The following CNGB3 variants were observed in gnomAD, a reference collection of about 807,000 sequenced individuals.
The protein encoded by CNGB3 is cyclic nucleotide-gated channel beta-3.
CNGB3 carries 86 observed loss-of-function variants against 92.8 expected under a neutral mutation model. That is an observed-to-expected ratio of 0.93 (90% CI 0.78 to 1.11). The LOEUF is 1.11. CNGB3 is among the 50% of genes least tolerant of loss of function. CNGB3 has a pLI of 0.00. For missense variants in CNGB3, 1,026 were observed against 956.8 expected (o/e 1.07, Z -0.95); for synonymous variants, 333 against 332.7 (o/e 1.00, Z -0.01).
In CNGB3 at chr8:86,713,951, C is replaced by T. The variant is rs182372642; in HGVS notation, c.338+12580G>A. Among the ~76,000 whole-genome samples the T allele has an allele frequency of 7.6e-3, 1,154 of 152,192 alleles. 4 individuals are homozygous for T. The highest frequency in any genetic ancestry group is 0.012 in the Non-Finnish European group (823 of 68,018). On this transcript the variant is annotated intron_variant, in intron 3 of 17. Coordinates refer to ENST00000320005, the MANE Select transcript of CNGB3 (RefSeq NM_019098.5). Reference sequence around the variant, plus strand: ...ACCTTTGATCCCACCCTTGCATAACCTTCCCCATTATCAACATCCCCCAAG... The same window carrying T: ...ACCTTTGATCCCACCCTTGCATAACTTTCCCCATTATCAACATCCCCCAAG...
chr8:86,703,777 T>C (rs1332040845), intron 3 of CNGB3, among the ~76,000 whole-genome samples: 1 of 152,204 alleles, frequency 6.6e-6, no homozygotes, highest in Admixed American at 6.5e-5. Context: ...GGTGAATGTA[T>C]TCATTCAGTG....
At chr8:86,667,203 T>A (rs780162014) in intron 5 of CNGB3, 70 bp from the exon 6 acceptor site, 4 of 1,332,566 alleles carry the variant, frequency 3.0e-6, no homozygotes, top group Non-Finnish European at 4.3e-6. Context: ...GTTGCTTAGT[T>A]TGGGGAGGTT....
chr8:86,739,743 G>T lies in CNGB3; in HGVS notation c.130-7C>A. 1 of 1,610,578 alleles carries T rather than the reference G, an allele frequency of 6.2e-7. No individual in the cohort carries two copies. ...CTTCACCTTTGTTTTCTTCCTTTGAGAAAAAACATAGAGATTGTATGTGAT... is the reference window on the plus strand; with the variant it reads ...CTTCACCTTTGTTTTCTTCCTTTGATAAAAAACATAGAGATTGTATGTGAT... On this transcript the variant is annotated splice_region_variant and splice_polypyrimidine_tract_variant and intron_variant, in intron 1 of 17. Coordinates refer to ENST00000320005, the MANE Select transcript of CNGB3 (RefSeq NM_019098.5).
At chr8:86,599,446 G>C (rs527505756) in intron 15 of CNGB3, among the ~76,000 whole-genome samples, 46 of 152,300 alleles carry the variant, frequency 3.0e-4, no homozygotes, top group African/African-American at 8.4e-4. Flanking sequence ...AATGTTCAGG[G>C]AACAAGAGAG....
In CNGB3 at chr8:86,605,757, A is replaced by T. The variant is rs185567295; in HGVS notation, c.1663-1546T>A. On this transcript the variant is annotated intron_variant, in intron 14 of 17. Coordinates refer to ENST00000320005, the MANE Select transcript of CNGB3 (RefSeq NM_019098.5). ...AAACACTCATTTATGAATGAGGAAA[A>T]TATAACTTAACTATTCTCTGGGAGA... 7.4e-4 allele frequency among the ~76,000 whole-genome samples: 113 copies of T among 152,284 alleles called. 1 individual carries two copies. The highest frequency in any genetic ancestry group is 2.6e-3 in the African/African-American group (109 of 41,546).
intron 10 of CNGB3, among the ~76,000 whole-genome samples, chr8:86,638,596 T>A (rs538237342): frequency 6.6e-6 from 1 of 152,264 alleles, no homozygotes; most frequent in East Asian, 1.9e-4. Context: ...CTTATTAGAA[T>A]GTAAGTGCTA....
At position 86,632,864 on chromosome 8, in the gene CNGB3, C is replaced by T. The variant is rs147876778; in HGVS notation, c.1208G>A (p.Arg403Gln). The T allele has an allele frequency of 3.1e-3, 5,041 of 1,612,558 alleles. 73 individuals are homozygous for T. The highest frequency in any genetic ancestry group is 0.028 in the South Asian group (2,574 of 90,988). Residue 403 changes from arginine to glutamine, a missense_variant, in exon 11 of 18, where the codon CGA becomes CAA. Physicochemically the swap from Arg to Gln is conservative, Grantham distance 43. Coordinates refer to ENST00000320005, the MANE Select transcript of CNGB3 (RefSeq NM_019098.5). ...AAGGCCACCAATGGTAATTAAAGTT[C>T]GAACTGCCCAATAATAACATCTCAG... The part of the protein sequence containing the change: ...EYLRCYYWAV[R>Q]TLITIGGLPE...
rs188672600 is a variant in CNGB3 at position 86,654,146 on chromosome 8, T to C, written c.853-84A>G. On this transcript the variant is annotated intron_variant, in intron 6 of 17. Coordinates refer to ENST00000320005, the MANE Select transcript of CNGB3 (RefSeq NM_019098.5). The stretch of plus-strand genomic sequence containing the variant: ...ACTTTTAAATTTATAACTGTTTCTC[T>C]TGGTTGGTTCCTTCCAATCTCAGCC... 2.3e-4 allele frequency: 214 copies of C among 923,792 alleles called. No individual in the cohort carries two copies. In the African/African-American group the frequency reaches 2.9e-3, roughly 13 times the overall value. The allele number at this position is 923,792 out of a possible 1,614,324, so 57.2% of individuals were successfully genotyped here. A position where few individuals can be genotyped will look rare whatever the true frequency, so the allele number is the denominator to read the frequency against.
At chr8:86,738,034 T>A (rs1447663416) in intron 2 of CNGB3, among the ~76,000 whole-genome samples, 1 of 152,246 alleles carries the variant, frequency 6.6e-6, no homozygotes, top group Non-Finnish European at 1.5e-5. Context: ...CAATTGTGCC[T>A]CAGTTCAAAT....
chr8:86,576,525 A>T (rs1458132718), intron 17 of CNGB3, among the ~76,000 whole-genome samples: 1 of 152,198 alleles, frequency 6.6e-6, no homozygotes, highest in Non-Finnish European at 1.5e-5. Context: ...AATACTATAT[A>T]AAAATACTGT....
chr8:86,647,888 C>T lies in CNGB3; in HGVS notation c.904-1G>A. 1 of 1,569,708 alleles carries T rather than the reference C, an allele frequency of 6.4e-7. No homozygotes were observed. The highest frequency in any genetic ancestry group is 8.8e-7 in the Non-Finnish European group (1 of 1,140,710). On this transcript the variant is annotated splice_acceptor_variant, in intron 7 of 17. Coordinates refer to ENST00000320005, the MANE Select transcript of CNGB3 (RefSeq NM_019098.5). LOFTEE classifies it high-confidence loss of function. ...ATGGTATTATTGATGCGACATCCAA[C>T]TGTTGAAAGAACACATTCACAAATA...
At chr8:86,655,264 T>A (rs1346855928) in intron 6 of CNGB3, among the ~76,000 whole-genome samples, 2 of 152,224 alleles carry the variant, frequency 1.3e-5, no homozygotes, top group African/African-American at 4.8e-5. Context: ...GGCCGCCAGA[T>A]GATCTCTAAA....
At chr8:86,683,021 G>A (rs1355391438) in intron 3 of CNGB3, among the ~76,000 whole-genome samples, 2 of 152,144 alleles carry the variant, frequency 1.3e-5, no homozygotes, top group Non-Finnish European at 2.9e-5. Flanking sequence ...TTCTTGGGCA[G>A]ATTCTTCTTT....
chr8:86,634,632 G>C (rs1171943331), intron 10 of CNGB3, among the ~76,000 whole-genome samples: 1 of 151,860 alleles, frequency 6.6e-6, no homozygotes, highest in Non-Finnish European at 1.5e-5. Flanking sequence ...GGGACATTAA[G>C]ATTTTGTGTG....
In CNGB3 at chr8:86,684,828, A is replaced by G. The variant is rs1406293427; in HGVS notation, c.339-13730T>C. On this transcript the variant is annotated intron_variant, in intron 3 of 17. Coordinates refer to ENST00000320005, the MANE Select transcript of CNGB3 (RefSeq NM_019098.5). ...AGATGGAGAATAGCGATTGTCAAGG[A>G]TCAGGTTTTGGTGTGGTTATAACAG... Among the ~76,000 whole-genome samples the G allele has an allele frequency of 3.3e-5, 5 of 152,108 alleles. No individual in the cohort carries two copies. The East Asian group carries it at 9.6e-4, about 29-fold the overall frequency.
chr8:86,622,713 C>T (rs975461492), intron 13 of CNGB3, among the ~76,000 whole-genome samples: 1 of 152,198 alleles, frequency 6.6e-6, no homozygotes, highest in Admixed American at 6.5e-5. Flanking sequence ...TGGAACCTGG[C>T]CTGCAATATT....
At chr8:86,742,845 T>C (rs1586047604) in intron 1 of CNGB3, among the ~76,000 whole-genome samples, 1 of 152,204 alleles carries the variant, frequency 6.6e-6, no homozygotes, top group Admixed American at 6.5e-5. Context: ...AATTATCATA[T>C]ACATTTTGCA....
At chr8:86,677,077 AG>A (rs1263032392) in intron 3 of CNGB3, among the ~76,000 whole-genome samples, 5 of 152,312 alleles carry the variant, frequency 3.3e-5, no homozygotes, top group South Asian at 2.1e-4. Context: ...TACATTGCTA[AG>A]TCAGAAAACA....
chr8:86,698,940 T>C (rs1040547453), intron 3 of CNGB3, among the ~76,000 whole-genome samples: 3 of 152,214 alleles, frequency 2.0e-5, no homozygotes, highest in African/African-American at 7.2e-5. Flanking sequence ...TTGTGAACTT[T>C]AGCTTTATAA....
Sources: gnomAD v4.1 joint callset for allele counts (sites outside exome capture counted in the v4.1 genomes callset) on GRCh38, gnomAD v4.1.1 for gene constraint, MANE v1.5 for transcripts, NCBI Gene and HGNC (gene_info 2026-07-23, HGNC 2026-07-21) for gene names.